The following LEKR1 variants were observed in gnomAD, a reference collection of about 807,000 sequenced individuals.
The protein encoded by LEKR1 is leucine, glutamate and lysine rich 1, also known as protein LEKR1.
LEKR1 carries 59 observed loss-of-function variants against 72.4 expected under a neutral mutation model. The observed-to-expected ratio is 0.82, with a 90% confidence interval of 0.66 to 1.01. The LOEUF is 1.01. LEKR1 is among the 50% of genes least tolerant of loss of function. The pLI is 0.00. For synonymous variants in LEKR1, 257 were observed against 263.2 expected (o/e 0.98, Z 0.23); for missense variants, 728 against 759.2 (o/e 0.96, Z 0.48).
intron 3 of LEKR1, among the ~76,000 whole-genome samples, chr3:156,897,690 C>T (rs952790855): frequency 4.6e-5 from 7 of 152,154 alleles, no homozygotes; most frequent in Non-Finnish European, 1.0e-4. Flanking sequence ...TGGTGGCTCA[C>T]GCCTGTAATC....
At chr3:157,028,534 T>C (rs1670804766) in intron 12 of LEKR1, 132 bp downstream of exon 12, 1 of 735,266 alleles carries the variant, frequency 1.4e-6, no homozygotes, top group African/African-American at 1.8e-5. Flanking sequence ...CTAAATCACA[T>C]CCTGGTGCTC....
At chr3:156,882,966 C>A (rs1719612607) in intron 3 of LEKR1, among the ~76,000 whole-genome samples, 1 of 150,854 alleles carries the variant, frequency 6.6e-6, no homozygotes, top group African/African-American at 2.4e-5. Flanking sequence ...AACACATGGA[C>A]ACAGGAAGGG....
chr3:156,993,881 C>T (rs111273179), intron 9 of LEKR1, among the ~76,000 whole-genome samples: 5 of 152,248 alleles, frequency 3.3e-5, no homozygotes, highest in African/African-American at 9.6e-5. Flanking sequence ...CATTTGCCTG[C>T]TATGTCTTTG....
chr3:156,918,029 T>C (rs543876868), intron 3 of LEKR1, among the ~76,000 whole-genome samples: 4 of 152,232 alleles, frequency 2.6e-5, no homozygotes, highest in African/African-American at 9.6e-5. Context: ...GAGTAAATGA[T>C]GGTACCCAGA....
Position 156,926,270 on chromosome 3 carries a change from T to A in LEKR1, c.384-1159T>A, listed in dbSNP as rs1338122718. Among the ~76,000 whole-genome samples the A allele has an allele frequency of 2.0e-5, 3 of 152,136 alleles. No individual in the cohort carries two copies. The East Asian group carries it at 5.8e-4, about 29-fold the overall frequency. ...GAGTTTCATTGTTTCAAAGACAATTTAATCACTTTCCAAGAAAACCTGAAA... is the reference window on the plus strand; with the variant it reads ...GAGTTTCATTGTTTCAAAGACAATTAAATCACTTTCCAAGAAAACCTGAAA... On this transcript the variant is annotated intron_variant, in intron 4 of 12. Coordinates refer to ENST00000356539, the MANE Select transcript of LEKR1 (RefSeq NM_001004316.3).
chr3:156,897,669 G>A (rs919799766), intron 3 of LEKR1, among the ~76,000 whole-genome samples: 9 of 152,064 alleles, frequency 5.9e-5, no homozygotes, highest in South Asian at 4.2e-4. Context: ...TGTAGAAACC[G>A]GGGCCTGGTG....
intron 5 of LEKR1, among the ~76,000 whole-genome samples, chr3:156,928,456 A>G (rs983154629): frequency 3.3e-5 from 5 of 152,080 alleles, no homozygotes; most frequent in Non-Finnish European, 5.9e-5. Context: ...GTTCTAAAAA[A>G]TAGTCCATTA....
chr3:156,985,054 C>A (rs1730556894), intron 7 of LEKR1, among the ~76,000 whole-genome samples: 1 of 151,902 alleles, frequency 6.6e-6, no homozygotes, highest in Non-Finnish European at 1.5e-5. Context: ...GTGTACAGAT[C>A]CATTTTTCAC....
chr3:157,045,803 T>C lies in LEKR1; in HGVS notation c.*53T>C. ...ACAGCGTGCACGCTCTTTCAGAGAG[T>C]GCCAGGAATTCACTGTAACTGAGAA... is the stretch of plus-strand genomic sequence containing the variant. On this transcript the variant is annotated 3_prime_UTR_variant, in exon 13 of 13. Coordinates refer to ENST00000356539, the MANE Select transcript of LEKR1 (RefSeq NM_001004316.3). 2.1e-6 allele frequency: 3 copies of C among 1,455,014 alleles called. No individual in the cohort carries two copies. Among genetic ancestry groups the C allele is most frequent in the Non-Finnish European group, 2.8e-6 (3 of 1,063,814 alleles). 90.1% of individuals were successfully genotyped at this position (1,455,014 alleles called of 1,614,324 possible).
chr3:157,032,665 C>G (rs368942543), intron 12 of LEKR1, among the ~76,000 whole-genome samples: 1 of 152,082 alleles, frequency 6.6e-6, no homozygotes, highest in East Asian at 1.9e-4. Context: ...ACCTAATGCC[C>G]GTGAGGATTG....
At chr3:157,004,600 A>G (rs1458248274) in intron 9 of LEKR1, among the ~76,000 whole-genome samples, 1 of 152,166 alleles carries the variant, frequency 6.6e-6, no homozygotes, top group African/African-American at 2.4e-5. Context: ...GAAATTTTAA[A>G]GGATTTAAAT....
At chr3:156,967,745 C>T (rs866158310) in intron 6 of LEKR1, among the ~76,000 whole-genome samples, 19 of 152,200 alleles carry the variant, frequency 1.2e-4, no homozygotes, top group Middle Eastern at 6.8e-3. Context: ...GCAAAGCAGG[C>T]CAACATTCAA....
intron 4 of LEKR1, among the ~76,000 whole-genome samples, chr3:156,922,399 G>A (rs1315550941): frequency 1.3e-5 from 2 of 151,070 alleles, no homozygotes; most frequent in Admixed American, 1.3e-4. Context: ...AGGATTCGTA[G>A]GCCAAAATGT....
chr3:156,973,674 G>T (rs1442007379), intron 6 of LEKR1, among the ~76,000 whole-genome samples: 1 of 152,054 alleles, frequency 6.6e-6, no homozygotes, highest in Non-Finnish European at 1.5e-5. Flanking sequence ...CTGTGGAGGA[G>T]TGAAAAAGAA....
intron 5 of LEKR1, among the ~76,000 whole-genome samples, chr3:156,930,055 A>C (rs536327284): frequency 2.6e-5 from 4 of 152,328 alleles, no homozygotes; most frequent in South Asian, 4.1e-4. Context: ...GAACAACTGC[A>C]TTTCACAGCT....
intron 9 of LEKR1, among the ~76,000 whole-genome samples, chr3:156,997,370 A>T (rs1731664832): frequency 6.6e-6 from 1 of 152,226 alleles, no homozygotes; most frequent in Admixed American, 6.5e-5. Flanking sequence ...TGGGACTTTT[A>T]AATAAGAAAT....
At chr3:156,843,718 T>C (rs1714224103) in intron 2 of LEKR1, among the ~76,000 whole-genome samples, 1 of 152,128 alleles carries the variant, frequency 6.6e-6, no homozygotes, top group South Asian at 2.1e-4. Context: ...CCAGGTTATT[T>C]TGGGCCACTG....
chr3:156,924,435 A>T (rs909666279), intron 4 of LEKR1: 27 of 602,394 alleles, frequency 4.5e-5, no homozygotes, highest in Non-Finnish European at 7.4e-5. Flanking sequence ...TTTCTTAATA[A>T]TGTCTTTTGA....
chr3:157,042,634 C>T (rs1735436271), intron 12 of LEKR1, among the ~76,000 whole-genome samples: 1 of 152,116 alleles, frequency 6.6e-6, no homozygotes, highest in Non-Finnish European at 1.5e-5. Context: ...CAGATCATTA[C>T]TCCTTTCCTT....
Sources: gnomAD v4.1 joint callset for allele counts (sites outside exome capture counted in the v4.1 genomes callset) on GRCh38, gnomAD v4.1.1 for gene constraint, MANE v1.5 for transcripts, NCBI Gene and HGNC (gene_info 2026-07-23, HGNC 2026-07-21) for gene names.